Variants in GMEB1 observed in about 807,000 individuals in gnomAD.
GMEB1 encodes the protein glucocorticoid modulatory element binding protein 1, also known as glucocorticoid modulatory element-binding protein 1.
A neutral mutation model predicts 52.4 loss-of-function variants in GMEB1; 6 were observed. The ratio of observed to expected loss-of-function variants is 0.11; its 90% CI spans 0.06 to 0.23. GMEB1 has a LOEUF of 0.23. Among genes scored for constraint, GMEB1 ranks in the 10% least tolerant of loss-of-function variants. The probability of loss-of-function intolerance (pLI) is 1.00; values close to 1 mark genes in which losing one functional copy is unlikely to be tolerated. For missense variants in GMEB1, 486 were observed against 685.6 expected (o/e 0.71, Z 3.25); for synonymous variants, 255 against 244.9 (o/e 1.04, Z -0.38).
At chr1:28,685,828 G>A (rs543467485) in intron 2 of GMEB1, among the ~76,000 whole-genome samples, 4 of 152,096 alleles carry the variant, frequency 2.6e-5, no homozygotes, top group Non-Finnish European at 5.9e-5. Context: ...GCATGGTGGC[G>A]CATGTCTGTA....
At chr1:28,704,485 TA>T (rs1482516515) in intron 8 of GMEB1, among the ~76,000 whole-genome samples, 156 bp downstream of exon 8, 1 of 152,220 alleles carries the variant, frequency 6.6e-6, no homozygotes, top group African/African-American at 2.4e-5. Context: ...GTCACTTGTC[TA>T]AGGTTCATAA....
At position 28,717,961 on chromosome 1, in the gene GMEB1, C is replaced by T. The variant is rs1671315306; in HGVS notation, c.*3188C>T. On this transcript the variant is annotated 3_prime_UTR_variant, in exon 10 of 10. Coordinates refer to ENST00000373816, the MANE Select transcript of GMEB1 (RefSeq NM_001319674.2). Reference sequence around the variant, plus strand: ...CAGCCTGTTTACTAGATGAATTTTCCAGCTGGTGAAATACATGAGCTTTGT... The same window carrying T: ...CAGCCTGTTTACTAGATGAATTTTCTAGCTGGTGAAATACATGAGCTTTGT... The T allele has an allele frequency of 6.6e-6, 1 of 152,132 alleles. No homozygotes were observed. Among genetic ancestry groups the T allele is most frequent in the Non-Finnish European group, 1.5e-5 (1 of 68,018 alleles). 9.4% of individuals were successfully genotyped at this position (152,132 alleles called of 1,614,324 possible). A position where few individuals can be genotyped will look rare whatever the true frequency, so the allele number is the denominator to read the frequency against.
chr1:28,699,578 G>A (rs375364329), intron 6 of GMEB1, among the ~76,000 whole-genome samples: 5 of 151,788 alleles, frequency 3.3e-5, no homozygotes, highest in Admixed American at 3.3e-4. Flanking sequence ...ACAGGTGCCC[G>A]CCACCAAGCC....
chr1:28,674,715 T>G (rs1669063892), intron 1 of GMEB1, among the ~76,000 whole-genome samples: 1 of 122,638 alleles, frequency 8.2e-6, no homozygotes, highest in Admixed American at 8.2e-5. Context: ...ATTCTTTTTT[T>G]TTTTTTTTTT....
At chr1:28,703,515 G>A (rs781125736) in intron 7 of GMEB1, among the ~76,000 whole-genome samples, 28 of 152,088 alleles carry the variant, frequency 1.8e-4, no homozygotes, top group Non-Finnish European at 3.1e-4. Flanking sequence ...TACAAAATTA[G>A]CCTGGTGTGC....
chr1:28,702,928 G>A (rs895302997), intron 7 of GMEB1, among the ~76,000 whole-genome samples: 2 of 152,098 alleles, frequency 1.3e-5, no homozygotes, highest in East Asian at 1.9e-4. Flanking sequence ...GGTAGCAGGC[G>A]CCTGTAGTCC....
chr1:28,714,842 G>T lies in GMEB1; in HGVS notation c.*69G>T. On this transcript the variant is annotated 3_prime_UTR_variant, in exon 10 of 10. Coordinates refer to ENST00000373816, the MANE Select transcript of GMEB1 (RefSeq NM_001319674.2). The stretch of plus-strand genomic sequence containing the variant: ...TAATTATTTGTTTATTTTTATCATT[G>T]TCCCACTCATTTCCACATAGGACCC... 9.3e-7 allele frequency: 1 copy of T among 1,080,266 alleles called. No individual in the cohort carries two copies. Among genetic ancestry groups the T allele is most frequent in the Non-Finnish European group, 1.4e-6 (1 of 740,358 alleles). 66.9% of individuals were successfully genotyped at this position (1,080,266 alleles called of 1,614,324 possible). A position where few individuals can be genotyped will look rare whatever the true frequency, so the allele number is the denominator to read the frequency against.
At chr1:28,700,044 G>A (rs1468410883) in intron 6 of GMEB1, among the ~76,000 whole-genome samples, 3 of 138,952 alleles carry the variant, frequency 2.2e-5, no homozygotes, top group Admixed American at 7.6e-5. Flanking sequence ...TGACAGGAGC[G>A]AGAGACCCTG....
intron 1 of GMEB1, among the ~76,000 whole-genome samples, chr1:28,676,887 A>G (rs1669176437): frequency 6.6e-6 from 1 of 151,938 alleles, no homozygotes; most frequent in African/African-American, 2.4e-5. Flanking sequence ...CCCTGACTCT[A>G]CTAAAAATAC....
In GMEB1 at chr1:28,716,646, G is replaced by C. The variant is rs953279242; in HGVS notation, c.*1873G>C. The stretch of plus-strand genomic sequence containing the variant: ...CCAGGCTTTCCTGAGGCACCAACTA[G>C]ATGTCTCTTGAGTGAGCTGGACTCC... On this transcript the variant is annotated 3_prime_UTR_variant, in exon 10 of 10. Coordinates refer to ENST00000373816, the MANE Select transcript of GMEB1 (RefSeq NM_001319674.2). 3 of 151,790 alleles carry C rather than the reference G, an allele frequency of 2.0e-5. No homozygotes were observed. The highest frequency in any genetic ancestry group is 7.3e-5 in the African/African-American group (3 of 41,324). The allele number at this position is 151,790 out of a possible 1,614,324, so 9.4% of individuals were successfully genotyped here.
intron 8 of GMEB1, among the ~76,000 whole-genome samples, chr1:28,709,793 A>AT (rs1291399474): frequency 2.6e-5 from 4 of 151,934 alleles, no homozygotes; most frequent in African/African-American, 9.7e-5. Flanking sequence ...TACCCAGCTA[A>AT]TTTTTGTATT....
At chr1:28,690,060 C>T in intron 2 of GMEB1, 44 bp from the exon 3 acceptor site, 1 of 1,386,490 alleles carries the variant, frequency 7.2e-7, no homozygotes, top group South Asian at 1.3e-5. Flanking sequence ...TTAATTTTTT[C>T]ATGATTTATG....
intron 9 of GMEB1, among the ~76,000 whole-genome samples, chr1:28,712,333 G>T (rs1484814571): frequency 6.6e-6 from 1 of 152,110 alleles, no homozygotes; most frequent in East Asian, 1.9e-4. Context: ...GTTTTATGGA[G>T]GCTTCATTAC....
chr1:28,676,598 C>A (rs757144269), intron 1 of GMEB1, among the ~76,000 whole-genome samples: 1 of 151,906 alleles, frequency 6.6e-6, no homozygotes, highest in African/African-American at 2.4e-5. Context: ...TGGTGGCAGG[C>A]GCCTGTAGTC....
Position 28,710,560 on chromosome 1 carries a change from A to G in GMEB1, c.909A>G (p.Leu303=), listed in dbSNP as rs761875078. Reference sequence around the variant, plus strand: ...ACAATGTAGCACACACATTTGGCCTAATGGACACAGTCAAGAAGGTTTTAG... The same window carrying G: ...ACAATGTAGCACACACATTTGGCCTGATGGACACAGTCAAGAAGGTTTTAG... ...VLNNVAHTFG[L]MDTVKKVLDN... is the part of the protein sequence containing the mutation. Residue 303 remains leucine, a synonymous_variant, in exon 9 of 10, where the codon CTA becomes CTG. Transcript: ENST00000373816. The G allele has an allele frequency of 2.5e-6, 4 of 1,611,054 alleles. No individual in the cohort carries two copies. The highest frequency in any genetic ancestry group is 1.7e-5 in the Admixed American group (1 of 59,590).
At position 28,712,332 on chromosome 1, in the gene GMEB1, A is replaced by C. The variant is rs187062642; in HGVS notation, c.991+1690A>C. Among the ~76,000 whole-genome samples the C allele has an allele frequency of 1.3e-3, 201 of 152,168 alleles. 1 individual carries two copies. Among genetic ancestry groups the C allele is most frequent in the Non-Finnish European group, 2.6e-3 (174 of 68,010 alleles). On this transcript the variant is annotated intron_variant, in intron 9 of 9. Transcript: ENST00000373816. ...ACCCTGTACTTTTGAGGTTTTATGG[A>C]GGCTTCATTACATAGGTATGGTTGA... is the stretch of plus-strand genomic sequence containing the variant.
chr1:28,687,332 TCTCACACACACACA>T (rs1669693367), intron 2 of GMEB1, among the ~76,000 whole-genome samples: 2 of 95,712 alleles, frequency 2.1e-5, no homozygotes, highest in South Asian at 4.4e-4. Flanking sequence ...TGAGACCCTA[TCTCACACACACACA>T]CACACACACA....
At chr1:28,686,048 T>A (rs1669626537) in intron 2 of GMEB1, among the ~76,000 whole-genome samples, 1 of 152,144 alleles carries the variant, frequency 6.6e-6, no homozygotes, top group South Asian at 2.1e-4. Flanking sequence ...TACTGGTTGT[T>A]GAAATTACTT....
At chr1:28,707,701 C>A (rs200057794) in intron 8 of GMEB1, among the ~76,000 whole-genome samples, 1 of 152,084 alleles carries the variant, frequency 6.6e-6, no homozygotes, top group East Asian at 1.9e-4. Flanking sequence ...GACTATTAGA[C>A]CATCAAATAG....
Sources: gnomAD v4.1 joint callset for allele counts (sites outside exome capture counted in the v4.1 genomes callset) on GRCh38, gnomAD v4.1.1 for gene constraint, MANE v1.5 for transcripts, NCBI Gene and HGNC (gene_info 2026-07-23, HGNC 2026-07-21) for gene names.